OXR1: variants seen among roughly 807,000 people sequenced by gnomAD.
The protein encoded by OXR1 is oxidation resistance 1.
Under a neutral mutation model 104.6 loss-of-function variants are expected in OXR1, and 41 were observed. That is an observed-to-expected ratio of 0.39 (90% CI 0.31 to 0.51). OXR1 has a LOEUF of 0.51. Ranked by LOEUF, OXR1 falls within the 20% of genes least tolerant of loss-of-function variation. OXR1 has a pLI of 0.77. For missense variants in OXR1, 955 were observed against 1,031.9 expected (o/e 0.93, Z 1.02); for synonymous variants, 348 against 348.4 (o/e 1.00, Z 0.01).
chr8:106,286,941 G>A (rs2130018908), intron 1 of OXR1, among the ~76,000 whole-genome samples: 1 of 152,276 alleles, frequency 6.6e-6, no homozygotes, highest in Non-Finnish European at 1.5e-5. Flanking sequence ...AGCCATTTAT[G>A]TTCTCATTTG....
intron 2 of OXR1, among the ~76,000 whole-genome samples, chr8:106,395,613 A>T (rs1817745518): frequency 6.6e-6 from 1 of 152,170 alleles, no homozygotes; most frequent in Non-Finnish European, 1.5e-5. Flanking sequence ...TCAAGTTGAG[A>T]TTTGGTGGGG....
rs561199616 is a variant in OXR1, at chr8:106,618,885, C to A, written c.221-60325C>A. Among the ~76,000 whole-genome samples the A allele has an allele frequency of 4.0e-5, 6 of 149,974 alleles. No individual in the cohort carries two copies. In the East Asian group the frequency reaches 9.7e-4, roughly 24 times the overall value. ...GAGGATTTTTTTTTTTGCCTTTTTT[C>A]TTTTTTTTGGTTGAAGTTTTGGTCA... On this transcript the variant is annotated intron_variant, in intron 3 of 16. Coordinates refer to ENST00000517566, the MANE Select transcript of OXR1 (RefSeq NM_001198533.2).
chr8:106,442,367 T>G (rs1200104915), intron 2 of OXR1, among the ~76,000 whole-genome samples: 1 of 152,206 alleles, frequency 6.6e-6, no homozygotes, highest in Admixed American at 6.5e-5. Flanking sequence ...GATAATGGCC[T>G]GAAGTTTTCT....
At chr8:106,742,779 C>G (rs1003349558) in intron 15 of OXR1, among the ~76,000 whole-genome samples, 8 of 152,076 alleles carry the variant, frequency 5.3e-5, no homozygotes, top group African/African-American at 1.9e-4. Context: ...CTTCCGTAAA[C>G]CATATACAAA....
chr8:106,638,996 C>G lies in OXR1; in HGVS notation c.221-40214C>G, dbSNP rs551049563. On this transcript the variant is annotated intron_variant, in intron 3 of 16. Coordinates refer to ENST00000517566, the MANE Select transcript of OXR1 (RefSeq NM_001198533.2). ...TTCTTTCAGCAGCTCATGAATGGGA[C>G]AGCATCCCATCTATGAAATAGAAAG... Among the ~76,000 whole-genome samples the G allele has an allele frequency of 1.8e-4, 27 of 151,612 alleles. No individual in the cohort carries two copies. The South Asian group carries it at 5.4e-3, about 30-fold the overall frequency.
rs1835963090 is a variant in OXR1, at chr8:106,752,604, C to G, written c.*1663C>G. 2 of 152,384 alleles carry G rather than the reference C, an allele frequency of 1.3e-5. No individual in the cohort carries two copies. Among genetic ancestry groups the G allele is most frequent in the African/African-American group, 4.8e-5 (2 of 41,392 alleles). 9.4% of individuals were successfully genotyped at this position (152,384 alleles called of 1,614,324 possible). A position where few individuals can be genotyped will look rare whatever the true frequency, so the allele number is the denominator to read the frequency against. On this transcript the variant is annotated 3_prime_UTR_variant, in exon 17 of 17. Coordinates refer to ENST00000517566, the MANE Select transcript of OXR1 (RefSeq NM_001198533.2). Reference sequence around the variant, plus strand: ...AGTATTATTGTCTTTGTGGAGTTGACTAATGATAATTTAAAAATCCTGTAA... The same window carrying G: ...AGTATTATTGTCTTTGTGGAGTTGAGTAATGATAATTTAAAAATCCTGTAA...
At chr8:106,476,126 T>G (rs575464515) in intron 2 of OXR1, among the ~76,000 whole-genome samples, 56 of 151,942 alleles carry the variant, frequency 3.7e-4, no homozygotes, top group African/African-American at 1.3e-3. Flanking sequence ...CACTGACAAC[T>G]CTTTCCATAG....
chr8:106,299,989 G>A lies in OXR1; in HGVS notation c.-139+29622G>A, dbSNP rs200623448. Among the ~76,000 whole-genome samples the A allele has an allele frequency of 5.9e-5, 9 of 152,250 alleles. No homozygotes were observed. The East Asian group carries it at 1.7e-3, about 29-fold the overall frequency. ...TTTGTCAGAAGTCAAGGAAGAAGTG[G>A]GGTGAAAGCCTTCTAGGCAAAGAAA... is the stretch of plus-strand genomic sequence containing the variant. On this transcript the variant is annotated intron_variant, in intron 1 of 16. Transcript: ENST00000517566.
In OXR1 at chr8:106,519,149, A is replaced by G. The variant is rs1813075843; in HGVS notation, c.220+10A>G. Reference sequence around the variant, plus strand: ...AGGTTCTACACAATTGGTGAGCACCAGATGTTTTATGCAAGTGAATAGATG... The same window carrying G: ...AGGTTCTACACAATTGGTGAGCACCGGATGTTTTATGCAAGTGAATAGATG... On this transcript the variant is annotated intron_variant, in intron 3 of 16. Coordinates refer to ENST00000517566, the MANE Select transcript of OXR1 (RefSeq NM_001198533.2). 3.2e-6 allele frequency: 5 copies of G among 1,539,456 alleles called. No individual in the cohort carries two copies. Among genetic ancestry groups the G allele is most frequent in the Non-Finnish European group, 4.4e-6 (5 of 1,136,608 alleles).
intron 2 of OXR1, among the ~76,000 whole-genome samples, chr8:106,431,696 A>C (rs1789979): frequency 6.6e-6 from 1 of 152,200 alleles, no homozygotes; most frequent in African/African-American, 2.4e-5. Context: ...AGCATCTGGC[A>C]TGATTAGGCA....
intron 5 of OXR1, 31 bp from the exon 6 acceptor site, chr8:106,684,215 A>G (rs747552984): frequency 9.2e-7 from 1 of 1,089,108 alleles, no homozygotes; most frequent in Non-Finnish European, 1.4e-6. Context: ...CTTCATTTTA[A>G]CTAAATCTTT....
At position 106,710,672 on chromosome 8, in the gene OXR1, T is replaced by G. The variant is rs1208246119; in HGVS notation, c.1675T>G (p.Cys559Gly). Residue 559 changes from cysteine (C) to glycine (G), a missense_variant, in exon 10 of 17, where the codon TGT (cysteine) becomes GGT (glycine). This residue lies in a region of OXR1 where 849 missense variants were observed against 852.9 expected (regional missense o/e 1.00). Coordinates refer to ENST00000517566, the MANE Select transcript of OXR1 (RefSeq NM_001198533.2). Reference protein sequence around the residue: ...KQRHRLHKFLCLRVGKPMRKT... With the variant: ...KQRHRLHKFLGLRVGKPMRKT... The stretch of plus-strand genomic sequence containing the variant: ...AAGGCATCGATTACATAAGTTCTTG[T>G]GTCTCAGAGTTGGAAAACCAATGAG... 5 of 1,602,128 alleles carry G rather than the reference T, an allele frequency of 3.1e-6. No individual in the cohort carries two copies. In the South Asian group the frequency reaches 3.4e-5, roughly 11 times the overall value.
At chr8:106,375,686 A>G (rs953024332) in intron 2 of OXR1, among the ~76,000 whole-genome samples, 3 of 152,320 alleles carry the variant, frequency 2.0e-5, no homozygotes, top group African/African-American at 7.2e-5. Context: ...ATGGCTGGAC[A>G]TTCATTAGTG....
intron 2 of OXR1, among the ~76,000 whole-genome samples, chr8:106,481,775 A>G (rs16874723): frequency 0.041 from 6,216 of 152,128 alleles, 408 homozygotes; most frequent in African/African-American, 0.14. Flanking sequence ...TTTGATTCCT[A>G]CTAGGTCGAT....
At chr8:106,329,431 T>C (rs1814619665) in intron 1 of OXR1, among the ~76,000 whole-genome samples, 1 of 150,290 alleles carries the variant, frequency 6.7e-6, no homozygotes, top group Non-Finnish European at 1.5e-5. Flanking sequence ...CACTGCAAGC[T>C]CCGCTTCCCG....
intron 2 of OXR1, among the ~76,000 whole-genome samples, chr8:106,491,367 C>T (rs1332176222): frequency 1.3e-5 from 2 of 152,196 alleles, no homozygotes; most frequent in Non-Finnish European, 2.9e-5. Context: ...CATTTGCCTA[C>T]AGACAAACAC....
intron 3 of OXR1, among the ~76,000 whole-genome samples, chr8:106,534,803 G>C (rs1022310377): frequency 8.5e-5 from 13 of 152,138 alleles, no homozygotes; most frequent in Admixed American, 5.9e-4. Context: ...ACAAATACTT[G>C]CAATTTCATT....
intron 2 of OXR1, among the ~76,000 whole-genome samples, chr8:106,464,146 A>T (rs1460114490): frequency 6.6e-6 from 1 of 152,062 alleles, no homozygotes; most frequent in Non-Finnish European, 1.5e-5. Context: ...TAGCCTAGTG[A>T]CCTGAACCCA....
intron 1 of OXR1, among the ~76,000 whole-genome samples, chr8:106,303,671 A>G (rs952825718): frequency 4.6e-5 from 7 of 152,322 alleles, no homozygotes; most frequent in East Asian, 1.9e-4. Flanking sequence ...AAAAACCTAC[A>G]TAATGGAATA....
Sources: allele counts gnomAD v4.1 joint callset (sites outside exome capture counted in the v4.1 genomes callset), GRCh38; gene constraint gnomAD v4.1.1; regional missense constraint gnomAD v4.1.1; transcripts MANE v1.5; gene names NCBI Gene and HGNC (gene_info 2026-07-23, HGNC 2026-07-21).